The following CSMD3 variants were observed in gnomAD, a reference collection of about 807,000 sequenced individuals.
The protein encoded by CSMD3 is CUB and Sushi multiple domains 3, also known as CUB and sushi domain-containing protein 3.
In CSMD3, 177 loss-of-function variants were observed where a neutral mutation model predicts 435.2. That is an observed-to-expected ratio of 0.41 (90% CI 0.36 to 0.46). CSMD3 has a LOEUF of 0.46. Among genes scored for constraint, CSMD3 ranks in the 20% least tolerant of loss-of-function variants. The pLI is 0.34. For missense variants in CSMD3, 4,265 were observed against 4,504.6 expected, an observed-to-expected ratio of 0.95 and a Z score of 1.52; for synonymous variants, 1,656 against 1,520.5, an observed-to-expected ratio of 1.09 and a Z score of -2.07.
intron 13 of CSMD3, among the ~76,000 whole-genome samples, chr8:112,699,595 T>C (rs2076342009): frequency 6.6e-6 from 1 of 152,240 alleles, no homozygotes; most frequent in African/African-American, 2.4e-5. Flanking sequence ...AAATTGGTGA[T>C]GTTCTCATGA....
At chr8:112,781,223 G>T (rs2132243828) in intron 13 of CSMD3, among the ~76,000 whole-genome samples, 1 of 152,176 alleles carries the variant, frequency 6.6e-6, no homozygotes, top group Admixed American at 6.6e-5. Context: ...AGGCCTGGAA[G>T]GATTCTGCAT....
At chr8:112,798,770 A>G (rs1318116633) in intron 13 of CSMD3, among the ~76,000 whole-genome samples, 1 of 151,882 alleles carries the variant, frequency 6.6e-6, no homozygotes, top group Non-Finnish European at 1.5e-5. Flanking sequence ...TGTTTAAATC[A>G]CTATAGATTT....
intron 32 of CSMD3, among the ~76,000 whole-genome samples, chr8:112,420,601 T>C (rs1812381973): frequency 6.6e-6 from 1 of 152,060 alleles, no homozygotes; most frequent in Non-Finnish European, 1.5e-5. Context: ...TTATTTTTAA[T>C]GACATATATT....
intron 10 of CSMD3, among the ~76,000 whole-genome samples, chr8:112,891,534 G>A (rs994753846): frequency 5.9e-5 from 9 of 151,480 alleles, no homozygotes; most frequent in African/African-American, 2.2e-4. Flanking sequence ...AAGGGAGAGG[G>A]TTCTGATTTT....
At chr8:112,820,312 C>G (rs2079493183) in intron 12 of CSMD3, among the ~76,000 whole-genome samples, 1 of 152,038 alleles carries the variant, frequency 6.6e-6, no homozygotes, top group Non-Finnish European at 1.5e-5. Context: ...GGTATGCTTA[C>G]CCAGAAGTGT....
intron 14 of CSMD3, among the ~76,000 whole-genome samples, chr8:112,686,651 A>G (rs186790134): frequency 6.6e-6 from 1 of 151,948 alleles, no homozygotes; most frequent in Non-Finnish European, 1.5e-5. Context: ...ACGCCCAGCT[A>G]ATTTTTGTAT....
intron 1 of CSMD3, among the ~76,000 whole-genome samples, chr8:113,323,029 T>A (rs894393786): frequency 6.6e-6 from 1 of 152,192 alleles, no homozygotes; most frequent in African/African-American, 2.4e-5. Context: ...ATTACAGGCG[T>A]GAGCCACCAC....
At chr8:113,412,925 A>G (rs1431690121) in intron 1 of CSMD3, among the ~76,000 whole-genome samples, 2 of 152,128 alleles carry the variant, frequency 1.3e-5, no homozygotes, top group African/African-American at 4.8e-5. Context: ...AATCATGCAC[A>G]CGGACACTAG....
intron 2 of CSMD3, among the ~76,000 whole-genome samples, chr8:113,302,584 T>C (rs2093781727): frequency 6.6e-6 from 1 of 151,866 alleles, no homozygotes; most frequent in Non-Finnish European, 1.5e-5. Flanking sequence ...CATTTACATT[T>C]ATGAGAACAT....
At chr8:113,341,132 C>T (rs567162621) in intron 1 of CSMD3, among the ~76,000 whole-genome samples, 2 of 151,958 alleles carry the variant, frequency 1.3e-5, no homozygotes, top group African/African-American at 2.4e-5. Flanking sequence ...AAAACTTATA[C>T]GTGTATATAT....
intron 4 of CSMD3, among the ~76,000 whole-genome samples, chr8:113,113,234 C>T (rs1160353306): frequency 2.0e-5 from 3 of 152,086 alleles, no homozygotes; most frequent in African/African-American, 7.2e-5. Flanking sequence ...GGGATGCATG[C>T]TATGTATATA....
chr8:112,600,622 T>TTAAGC (rs1404633513), intron 22 of CSMD3, among the ~76,000 whole-genome samples: 1 of 152,236 alleles, frequency 6.6e-6, no homozygotes, highest in Non-Finnish European at 1.5e-5. Flanking sequence ...AATTGTAGTG[T>TTAAGC]TAAGTATCCT....
At chr8:112,948,936 G>T (rs1055210681) in intron 8 of CSMD3, among the ~76,000 whole-genome samples, 1 of 151,960 alleles carries the variant, frequency 6.6e-6, no homozygotes, top group Non-Finnish European at 1.5e-5. Context: ...AAGAGACAGG[G>T]TCTTGCTTTG....
rs527657753 is a variant in CSMD3, at chr8:113,180,589, G to A, written c.515-6673C>T. ...CACTGTGTTGTCCCCAAGCAAAAAAGAATTAAACTAATTGCATTACCTCCT... is the reference window on the plus strand; with the variant it reads ...CACTGTGTTGTCCCCAAGCAAAAAAAAATTAAACTAATTGCATTACCTCCT... On this transcript the variant is annotated intron_variant, in intron 3 of 70. Transcript: ENST00000297405. 8.0e-4 allele frequency among the ~76,000 whole-genome samples: 122 copies of A among 151,954 alleles called. No homozygotes were observed. The Middle Eastern group carries it at 0.017, about 21-fold the overall frequency.
At chr8:112,534,220 T>G (rs1293341039) in intron 27 of CSMD3, among the ~76,000 whole-genome samples, 1 of 152,014 alleles carries the variant, frequency 6.6e-6, no homozygotes, top group Non-Finnish European at 1.5e-5. Context: ...CTTCAAAAAA[T>G]TAATGAATCC....
intron 4 of CSMD3, among the ~76,000 whole-genome samples, chr8:113,130,612 G>A (rs189717956): frequency 2.7e-4 from 41 of 152,170 alleles, no homozygotes; most frequent in Non-Finnish European, 4.4e-4. Flanking sequence ...GTTCCTTAGA[G>A]CAGTGAAAAG....
intron 19 of CSMD3, among the ~76,000 whole-genome samples, chr8:112,648,698 C>T (rs747358595): frequency 6.6e-5 from 10 of 152,086 alleles, no homozygotes; most frequent in Non-Finnish European, 1.0e-4. Flanking sequence ...AAAAGTTAAG[C>T]GTGTTGATGC....
At chr8:113,153,135 G>GAAAGAGAA (rs2091861114) in intron 4 of CSMD3, among the ~76,000 whole-genome samples, 2 of 99,952 alleles carry the variant, frequency 2.0e-5, no homozygotes, top group African/African-American at 1.2e-4. Flanking sequence ...GAGAAAGAAG[G>GAAAGAGAA]AAGGAAGGAA....
intron 13 of CSMD3, among the ~76,000 whole-genome samples, chr8:112,705,447 A>G (rs2076479075): frequency 6.6e-6 from 1 of 152,092 alleles, no homozygotes; most frequent in Non-Finnish European, 1.5e-5. Flanking sequence ...TCTAAAAAGT[A>G]TATAAGCTTT....
Sources: gnomAD v4.1 joint callset for allele counts (sites outside exome capture counted in the v4.1 genomes callset) on GRCh38, gnomAD v4.1.1 for gene constraint, MANE v1.5 for transcripts, NCBI Gene and HGNC (gene_info 2026-07-23, HGNC 2026-07-21) for gene names.